Variants in ENTHD1 observed in about 807,000 individuals in gnomAD.
ENTHD1 encodes ENTH domain containing 1.
ENTHD1 carries 23 observed loss-of-function variants against 39.1 expected under a neutral mutation model. The observed-to-expected ratio is 0.59, with a 90% CI of 0.42 to 0.83. The LOEUF is 0.83. Among genes scored for constraint, ENTHD1 ranks in the 40% least tolerant of loss-of-function variants. ENTHD1 has a pLI of 0.00. For synonymous variants in ENTHD1, 230 were observed against 258.2 expected, an observed-to-expected ratio of 0.89 and a Z score of 1.05; for missense variants, 624 against 705.4, an observed-to-expected ratio of 0.88 and a Z score of 1.31.
At chr22:39,833,941 CAAAAAA>C (rs59299623) in intron 4 of ENTHD1, among the ~76,000 whole-genome samples, 59,522 of 118,314 alleles carry the variant, frequency 0.5, 14,442 homozygotes, top group Non-Finnish European at 0.59. Flanking sequence ...TATACTTGGG[CAAAAAA>C]AAAAAAAAAA....
chr22:39,830,914 G>A (rs2065863714), intron 4 of ENTHD1, among the ~76,000 whole-genome samples: 1 of 152,200 alleles, frequency 6.6e-6, no homozygotes, highest in Non-Finnish European at 1.5e-5. Context: ...ATGCAAATGT[G>A]AAAATTAAAA....
chr22:39,833,217 T>C (rs976853140), intron 4 of ENTHD1, among the ~76,000 whole-genome samples: 1 of 152,052 alleles, frequency 6.6e-6, no homozygotes, highest in Non-Finnish European at 1.5e-5. Flanking sequence ...GGGGAAGAAA[T>C]ACTCTTCACT....
chr22:39,887,866 C>T lies in ENTHD1; in HGVS notation c.-118G>A, dbSNP rs2066393624. The T allele has an allele frequency of 1.5e-6, 1 of 657,250 alleles. No homozygotes were observed. 40.7% of individuals were successfully genotyped at this position (657,250 alleles called of 1,614,324 possible). A position where few individuals can be genotyped will look rare whatever the true frequency, so the allele number is the denominator to read the frequency against. On this transcript the variant is annotated 5_prime_UTR_variant, in exon 2 of 7. Coordinates refer to ENST00000325157, the MANE Select transcript of ENTHD1 (RefSeq NM_152512.4). ...TCCCCAGTTCTGCTGCTCCCAAATA[C>T]AAATAATTAATCTCTATGTTGATAA...
intron 2 of ENTHD1, among the ~76,000 whole-genome samples, chr22:39,866,748 G>T (rs762678999): frequency 1.4e-4 from 21 of 152,208 alleles, no homozygotes; most frequent in Non-Finnish European, 2.8e-4. Flanking sequence ...CACTTCCACA[G>T]TTAGTCATTG....
intron 2 of ENTHD1, among the ~76,000 whole-genome samples, chr22:39,884,332 C>T (rs762126882): frequency 2.0e-5 from 3 of 152,004 alleles, no homozygotes; most frequent in Non-Finnish European, 4.4e-5. Context: ...GTGCACGCCA[C>T]CATACCTGGC....
At chr22:39,870,971 G>C (rs1174983794) in intron 2 of ENTHD1, among the ~76,000 whole-genome samples, 1 of 151,930 alleles carries the variant, frequency 6.6e-6, no homozygotes, top group Non-Finnish European at 1.5e-5. Flanking sequence ...CCAGGAGTTT[G>C]AGACCAGCCT....
intron 6 of ENTHD1, among the ~76,000 whole-genome samples, chr22:39,746,310 G>T (rs2065104543): frequency 2.6e-5 from 4 of 151,854 alleles, no homozygotes; most frequent in Admixed American, 2.6e-4. Flanking sequence ...ATTTCCAAGA[G>T]CTCTTTTTTT....
At chr22:39,821,703 A>G (rs1038745598) in intron 4 of ENTHD1, among the ~76,000 whole-genome samples, 1 of 152,210 alleles carries the variant, frequency 6.6e-6, no homozygotes, top group African/African-American at 2.4e-5. Context: ...ACAAAATACC[A>G]TCAACTGAGT....
rs1569120020 is a variant in ENTHD1 at position 39,743,836 on chromosome 22, T to G, written c.1667A>C (p.Lys556Thr). 2 of 1,614,130 alleles carry G rather than the reference T, an allele frequency of 1.2e-6. No homozygotes were observed. The highest frequency in any genetic ancestry group is 3.3e-5 in the Admixed American group (2 of 60,016). Reference sequence around the variant, plus strand: ...TTCATGTAATCTAGCGATCGCACGTTTTACCTCCCTTAAAAGAACACTAAT... The same window carrying G: ...TTCATGTAATCTAGCGATCGCACGTGTTACCTCCCTTAAAAGAACACTAAT... Reference protein sequence around the residue: ...NSISVLLREVKRAIARLHEDL... With the variant: ...NSISVLLREVTRAIARLHEDL... Residue 556 changes from lysine to threonine, a missense_variant, in exon 7 of 7, where the codon AAA (lysine) becomes ACA (threonine). Lys to Thr is a moderately conservative substitution (Grantham distance 78). Coordinates refer to ENST00000325157, the MANE Select transcript of ENTHD1 (RefSeq NM_152512.4).
chr22:39,800,109 C>T (rs1273800613), intron 5 of ENTHD1, among the ~76,000 whole-genome samples: 2 of 152,186 alleles, frequency 1.3e-5, no homozygotes, highest in Non-Finnish European at 2.9e-5. Flanking sequence ...AGGAGTTCTC[C>T]TGTAGCTAAG....
At chr22:39,789,743 A>G (rs2065489267) in intron 5 of ENTHD1, among the ~76,000 whole-genome samples, 1 of 152,208 alleles carries the variant, frequency 6.6e-6, no homozygotes, top group Non-Finnish European at 1.5e-5. Context: ...ACAACTGAAC[A>G]AGTATTTATA....
At chr22:39,802,992 T>C (rs1027096151) in intron 5 of ENTHD1, among the ~76,000 whole-genome samples, 2 of 152,182 alleles carry the variant, frequency 1.3e-5, no homozygotes, top group Non-Finnish European at 2.9e-5. Flanking sequence ...TTCCTTATCT[T>C]TCTGCTTCTG....
chr22:39,779,230 C>G (rs1034097506), intron 5 of ENTHD1, among the ~76,000 whole-genome samples: 1 of 151,924 alleles, frequency 6.6e-6, no homozygotes, highest in African/African-American at 2.4e-5. Context: ...GGCAGGAGAA[C>G]TGCTTGAACC....
intron 2 of ENTHD1, among the ~76,000 whole-genome samples, chr22:39,884,841 A>G (rs1382677506): frequency 6.6e-6 from 1 of 152,202 alleles, no homozygotes; most frequent in African/African-American, 2.4e-5. Context: ...CACATACACA[A>G]ATTAATTCAA....
intron 4 of ENTHD1, among the ~76,000 whole-genome samples, chr22:39,830,480 C>T (rs886380902): frequency 6.6e-6 from 1 of 151,926 alleles, no homozygotes; most frequent in African/African-American, 2.4e-5. Flanking sequence ...CAATTGAATC[C>T]GATACCTAAT....
At chr22:39,775,383 A>C (rs184158276) in intron 5 of ENTHD1, among the ~76,000 whole-genome samples, 1 of 152,326 alleles carries the variant, frequency 6.6e-6, no homozygotes, top group East Asian at 1.9e-4. Context: ...TGATTTGGTC[A>C]TTAAAAGACT....
chr22:39,842,220 G>A (rs1314265385), intron 3 of ENTHD1, among the ~76,000 whole-genome samples: 2 of 151,842 alleles, frequency 1.3e-5, no homozygotes, highest in Non-Finnish European at 1.5e-5. Context: ...GTGTCTTGGA[G>A]TTGCTCTTCT....
At chr22:39,846,262 G>T (rs774548137) in intron 3 of ENTHD1, among the ~76,000 whole-genome samples, 2 of 152,134 alleles carry the variant, frequency 1.3e-5, no homozygotes, top group Non-Finnish European at 2.9e-5. Flanking sequence ...GTGCAGTGGC[G>T]TGATCACAGC....
intron 1 of ENTHD1, among the ~76,000 whole-genome samples, chr22:39,889,474 C>G (rs964672556): frequency 1.3e-5 from 2 of 152,126 alleles, no homozygotes; most frequent in African/African-American, 4.8e-5. Context: ...GACAGTGTAC[C>G]AAATTGATTT....
Sources: gnomAD v4.1 joint callset for allele counts (sites outside exome capture counted in the v4.1 genomes callset) on GRCh38, gnomAD v4.1.1 for gene constraint, MANE v1.5 for transcripts, NCBI Gene and HGNC (gene_info 2026-07-23, HGNC 2026-07-21) for gene names.